RAP1GAP2: variants seen among roughly 807,000 people sequenced by gnomAD.
RAP1GAP2 encodes RAP1 GTPase activating protein 2.
RAP1GAP2 carries 27 observed loss-of-function variants against 95.0 expected under a neutral mutation model. The observed-to-expected ratio is 0.28, with a 90% confidence interval of 0.21 to 0.39. The LOEUF is 0.39. Among genes scored for constraint, RAP1GAP2 ranks in the 10% least tolerant of loss-of-function variants. RAP1GAP2 has a pLI of 1.00. For synonymous variants in RAP1GAP2, 373 were observed against 380.9 expected, an observed-to-expected ratio of 0.98 and a Z score of 0.24; for missense variants, 771 against 970.0, an observed-to-expected ratio of 0.79 and a Z score of 2.72.
intron 3 of RAP1GAP2, among the ~76,000 whole-genome samples, chr17:2,928,237 G>A (rs552561395): frequency 3.9e-5 from 6 of 152,332 alleles, no homozygotes; most frequent in East Asian, 3.9e-4. Context: ...CTGTCTAACC[G>A]GAATCTTTCT....
chr17:2,966,862 G>A (rs1250865183), intron 8 of RAP1GAP2, among the ~76,000 whole-genome samples: 1 of 152,140 alleles, frequency 6.6e-6, no homozygotes, highest in Non-Finnish European at 1.5e-5. Flanking sequence ...TGAATAAGAT[G>A]ACAATGGAAT....
chr17:2,783,664 A>G (rs891913983), intron 1 of RAP1GAP2, among the ~76,000 whole-genome samples: 3 of 152,254 alleles, frequency 2.0e-5, no homozygotes, highest in African/African-American at 7.2e-5. Context: ...CTTATGGCTT[A>G]AAACACTGGT....
intron 3 of RAP1GAP2, among the ~76,000 whole-genome samples, chr17:2,951,140 A>G (rs1483251854): frequency 6.6e-6 from 1 of 152,220 alleles, no homozygotes; most frequent in Non-Finnish European, 1.5e-5. Context: ...CCCAGGCCCC[A>G]GCTTTGCTCT....
chr17:2,999,712 A>G (rs190407729), intron 14 of RAP1GAP2, among the ~76,000 whole-genome samples: 114 of 152,036 alleles, frequency 7.5e-4, no homozygotes, highest in African/African-American at 2.7e-3. Context: ...TTTGGGAGGC[A>G]GAGGCAGGAG....
chr17:2,879,598 C>T (rs1488331815), intron 2 of RAP1GAP2, among the ~76,000 whole-genome samples: 1 of 151,974 alleles, frequency 6.6e-6, no homozygotes, highest in Non-Finnish European at 1.5e-5. Flanking sequence ...TGGTGGTCGG[C>T]GCCTGTAATC....
intron 1 of RAP1GAP2, among the ~76,000 whole-genome samples, chr17:2,799,823 AG>A (rs1175401218): frequency 2.0e-5 from 3 of 152,108 alleles, no homozygotes; most frequent in African/African-American, 4.8e-5. Flanking sequence ...TGGCATATGC[AG>A]GGGGGTAAAA....
intron 3 of RAP1GAP2, among the ~76,000 whole-genome samples, chr17:2,927,360 A>C (rs535195558): frequency 7.3e-5 from 11 of 151,072 alleles, no homozygotes; most frequent in Admixed American, 2.0e-4. Context: ...TCACCGTGTT[A>C]GCCAGGATGG....
rs377078829 is a variant in RAP1GAP2, at chr17:2,946,166, G to A, written c.166-11593G>A. Reference sequence around the variant, plus strand: ...TTCCACTTGGTCATGGAATATAACAGTACGCTGTTGGATTTGGTTTATTGG... The same window carrying A: ...TTCCACTTGGTCATGGAATATAACAATACGCTGTTGGATTTGGTTTATTGG... On this transcript the variant is annotated intron_variant, in intron 3 of 24. Coordinates refer to ENST00000254695, the MANE Select transcript of RAP1GAP2 (RefSeq NM_015085.5). Among the ~76,000 whole-genome samples, 11 of 152,336 alleles carry A rather than the reference G, an allele frequency of 7.2e-5. 1 individual carries two copies. Among genetic ancestry groups the A allele is most frequent in the African/African-American group, 1.4e-4 (6 of 41,570 alleles).
Position 2,825,965 on chromosome 17 carries a change from TTTTC to T in RAP1GAP2, c.80+25429_80+25432del, listed in dbSNP as rs889781853. On this transcript the variant is annotated intron_variant, in intron 2 of 24. Transcript: ENST00000254695. The surrounding 1 kb of genome is among the most constrained non-coding windows in gnomAD (Gnocchi z 4.1). Reference sequence around the variant, plus strand: ...GGTTGCAGGGGGCATTTTTTTTCTTTTTTCTTTCTTTCTTTCTGTTTTTTTTTTT... The same window carrying T: ...GGTTGCAGGGGGCATTTTTTTTCTTTTTTCTTTCTTTCTGTTTTTTTTTTT... Among the ~76,000 whole-genome samples, 2 of 143,360 alleles carry T rather than the reference TTTTC, an allele frequency of 1.4e-5. No homozygotes were observed. 94.0% of individuals were successfully genotyped at this position (143,360 alleles called of 152,430 possible). A position where few individuals can be genotyped will look rare whatever the true frequency, so the allele number is the denominator to read the frequency against.
chr17:2,826,280 C>T (rs1358782417), intron 2 of RAP1GAP2, among the ~76,000 whole-genome samples: 1 of 151,686 alleles, frequency 6.6e-6, no homozygotes, highest in African/African-American at 2.4e-5. Context: ...CAGGCGTGAG[C>T]CACCATGCCT....
chr17:2,810,395 T>A (rs1307310372), intron 2 of RAP1GAP2, among the ~76,000 whole-genome samples: 1 of 151,598 alleles, frequency 6.6e-6, no homozygotes, highest in African/African-American at 2.4e-5. Flanking sequence ...AGTTCTAGGG[T>A]ACATGTGCAC....
chr17:2,796,526 C>G lies in RAP1GAP2; in HGVS notation c.-2C>G. On this transcript the variant is annotated 5_prime_UTR_variant, in exon 1 of 25. Coordinates refer to ENST00000254695, the MANE Select transcript of RAP1GAP2 (RefSeq NM_015085.5). The surrounding 1 kb of genome is among the most constrained non-coding windows in gnomAD (Gnocchi z 4.7). The stretch of plus-strand genomic sequence containing the variant: ...GGGACCCCGGGCTCTGCAGCCACAA[C>G]CATGTTTGGCCGGAAGCGCAGTGTC... The G allele has an allele frequency of 6.4e-7, 1 of 1,561,444 alleles. No homozygotes were observed. The highest frequency in any genetic ancestry group is 8.7e-7 in the Non-Finnish European group (1 of 1,152,704).
At chr17:3,006,431 A>T (rs1243744966) in intron 16 of RAP1GAP2, among the ~76,000 whole-genome samples, 7 of 138,632 alleles carry the variant, frequency 5.0e-5, no homozygotes. Context: ...CGCCTGGCCA[A>T]TCAGTCCTTT....
intron 3 of RAP1GAP2, among the ~76,000 whole-genome samples, chr17:2,929,778 C>G (rs185415796): frequency 2.0e-5 from 3 of 152,198 alleles, no homozygotes; most frequent in Non-Finnish European, 4.4e-5. Context: ...AGAGGCAGCC[C>G]TGATCCAGGC....
chr17:2,873,678 A>G (rs891045032), intron 2 of RAP1GAP2, among the ~76,000 whole-genome samples: 2 of 152,036 alleles, frequency 1.3e-5, no homozygotes, highest in Admixed American at 6.6e-5. Flanking sequence ...TTTTGGGGTG[A>G]TGAAAAAGTT....
rs1035842669 is a variant in RAP1GAP2, at chr17:2,948,119, C to T, written c.166-9640C>T. Among the ~76,000 whole-genome samples the T allele has an allele frequency of 5.3e-5, 8 of 152,208 alleles. No individual in the cohort carries two copies. The South Asian group carries it at 6.2e-4, about 12-fold the overall frequency. ...CGACCTGTGTGCCAGGCTCTGTACA[C>T]GCTGGCCCGTGTGGTCCTGCCACAG... On this transcript the variant is annotated intron_variant, in intron 3 of 24. Coordinates refer to ENST00000254695, the MANE Select transcript of RAP1GAP2 (RefSeq NM_015085.5).
chr17:2,969,887 T>A (rs1199159251), intron 8 of RAP1GAP2, among the ~76,000 whole-genome samples: 1 of 152,118 alleles, frequency 6.6e-6, no homozygotes, highest in African/African-American at 2.4e-5. Flanking sequence ...CAATGTATCT[T>A]AGAGATTTTT....
chr17:2,960,917 T>C (rs942445774), intron 4 of RAP1GAP2, among the ~76,000 whole-genome samples: 2 of 152,214 alleles, frequency 1.3e-5, no homozygotes, highest in African/African-American at 2.4e-5. Context: ...AACTCAGTGA[T>C]AGAACTGCTG....
At chr17:2,926,284 G>A (rs894676529) in intron 3 of RAP1GAP2, among the ~76,000 whole-genome samples, 3 of 152,168 alleles carry the variant, frequency 2.0e-5, no homozygotes, top group African/African-American at 4.8e-5. Flanking sequence ...CCACCTCCAC[G>A]GGCAGCGCCC....
Sources: gnomAD v4.1 joint callset for allele counts (sites outside exome capture counted in the v4.1 genomes callset) on GRCh38, gnomAD v4.1.1 for gene constraint, Gnocchi (gnomAD v3.1) non-coding constraint, MANE v1.5 for transcripts, NCBI Gene and HGNC (gene_info 2026-07-23, HGNC 2026-07-21) for gene names.